LRRC4C: variants seen among roughly 807,000 people sequenced by gnomAD.
The protein encoded by LRRC4C is leucine rich repeat containing 4C, also known as leucine-rich repeat-containing protein 4C.
Under a neutral mutation model 33.6 loss-of-function variants are expected in LRRC4C, and 5 were observed. The observed-to-expected ratio is 0.15, with a 90% confidence interval of 0.08 to 0.31. The LOEUF (loss-of-function observed/expected upper bound fraction) is 0.31, where lower values mean the gene tolerates loss of function less well. Among genes scored for constraint, LRRC4C ranks in the 10% least tolerant of loss-of-function variants. The pLI is 1.00. For missense variants in LRRC4C, 560 were observed against 796.7 expected (o/e 0.70, Z 3.58); for synonymous variants, 329 against 302.0 (o/e 1.09, Z -0.93).
In LRRC4C at chr11:41,123,262, T is replaced by C. The variant is rs892431270; in HGVS notation, c.-495-189539A>G. On this transcript the variant is annotated intron_variant, in intron 1 of 6. Transcript: ENST00000528697. ...TTTCTCTATCCTGAGCTATGTTTTGTTTTTTTTTTTTTTTTTTTTTTTTTT... is the reference window on the plus strand; with the variant it reads ...TTTCTCTATCCTGAGCTATGTTTTGCTTTTTTTTTTTTTTTTTTTTTTTTT... Among the ~76,000 whole-genome samples, 19 of 32,022 alleles carry C rather than the reference T, an allele frequency of 5.9e-4. No homozygotes were observed. The South Asian group carries it at 0.02, about 34-fold the overall frequency. 21.0% of individuals were successfully genotyped at this position (32,022 alleles called of 152,430 possible).
At chr11:40,949,051 AT>A (rs1320791289) in intron 1 of LRRC4C, among the ~76,000 whole-genome samples, 3 of 151,862 alleles carry the variant, frequency 2.0e-5, no homozygotes, top group Non-Finnish European at 4.4e-5. Flanking sequence ...CTTTTTAATG[AT>A]TGCCATTCTA....
intron 3 of LRRC4C, among the ~76,000 whole-genome samples, chr11:40,610,143 C>A (rs955461794): frequency 2.6e-5 from 4 of 152,020 alleles, no homozygotes; most frequent in Middle Eastern, 3.4e-3. Flanking sequence ...AAAATACTAG[C>A]AAACCAAATT....
chr11:40,808,953 C>T lies in LRRC4C; in HGVS notation c.-407+124682G>A, dbSNP rs370359936. ...CTTTTCACTTATTTGTCTTTTTAAT[C>T]ACTACCCAACCTCTCTCCCCTCTCC... is the stretch of plus-strand genomic sequence containing the variant. On this transcript the variant is annotated intron_variant, in intron 2 of 6. Transcript: ENST00000528697. Among the ~76,000 whole-genome samples, 10 of 152,220 alleles carry T rather than the reference C, an allele frequency of 6.6e-5. No individual in the cohort carries two copies. In the East Asian group the frequency reaches 1.5e-3, roughly 23 times the overall value.
intron 1 of LRRC4C, among the ~76,000 whole-genome samples, chr11:40,997,865 C>G (rs1184672147): frequency 6.6e-6 from 1 of 152,042 alleles, no homozygotes; most frequent in Non-Finnish European, 1.5e-5. Context: ...TTCAAGGAGC[C>G]TTTTTAAGGT....
intron 1 of LRRC4C, among the ~76,000 whole-genome samples, chr11:40,961,800 A>G (rs780567133): frequency 2.6e-5 from 4 of 151,616 alleles, no homozygotes; most frequent in Non-Finnish European, 5.9e-5. Context: ...ACGCTTGTCT[A>G]TTTTATTCAT....
At chr11:41,334,420 C>G (rs1355536276) in intron 1 of LRRC4C, among the ~76,000 whole-genome samples, 1 of 152,102 alleles carries the variant, frequency 6.6e-6, no homozygotes, top group Non-Finnish European at 1.5e-5. Context: ...TCTCTATTTT[C>G]AAACGCTGGG....
At chr11:40,447,425 T>C (rs931836116) in intron 3 of LRRC4C, among the ~76,000 whole-genome samples, 15 of 152,190 alleles carry the variant, frequency 9.9e-5, no homozygotes, top group Admixed American at 9.8e-4. Context: ...CGTCTTCAGA[T>C]GGATTATTTA....
At chr11:40,318,319 G>GA (rs1281116010) in intron 4 of LRRC4C, among the ~76,000 whole-genome samples, 2 of 151,830 alleles carry the variant, frequency 1.3e-5, no homozygotes, top group Non-Finnish European at 2.9e-5. Context: ...TAGTCAAAAG[G>GA]AAAAATCATC....
At chr11:41,287,641 A>G (rs1036397090) in intron 1 of LRRC4C, among the ~76,000 whole-genome samples, 2 of 152,194 alleles carry the variant, frequency 1.3e-5, no homozygotes, top group Admixed American at 1.3e-4. Flanking sequence ...AACAGATATC[A>G]ATACACAAGC....
chr11:40,640,893 G>A (rs1032207116), intron 3 of LRRC4C, among the ~76,000 whole-genome samples: 2 of 151,734 alleles, frequency 1.3e-5, no homozygotes, highest in Admixed American at 6.6e-5. Flanking sequence ...GCGGGCGCCT[G>A]TAGTCCCAGC....
intron 3 of LRRC4C, among the ~76,000 whole-genome samples, chr11:40,586,939 G>C (rs1034861737): frequency 1.3e-5 from 2 of 152,126 alleles, no homozygotes; most frequent in Non-Finnish European, 2.9e-5. Flanking sequence ...TTTGGCTTAG[G>C]ATTGATTTGG....
At chr11:40,357,108 A>C (rs1590424331) in intron 3 of LRRC4C, among the ~76,000 whole-genome samples, 1 of 152,292 alleles carries the variant, frequency 6.6e-6, no homozygotes, top group African/African-American at 2.4e-5. Flanking sequence ...TTAGAGGTTA[A>C]AATATTAAGA....
At chr11:40,596,378 A>G (rs1959301031) in intron 3 of LRRC4C, among the ~76,000 whole-genome samples, 1 of 152,140 alleles carries the variant, frequency 6.6e-6, no homozygotes, top group Non-Finnish European at 1.5e-5. Flanking sequence ...GTACAGGCAC[A>G]GAATATATAA....
intron 5 of LRRC4C, among the ~76,000 whole-genome samples, chr11:40,151,604 C>T (rs1345313349): frequency 1.3e-5 from 2 of 152,130 alleles, no homozygotes; most frequent in South Asian, 2.1e-4. Context: ...AAGTAGTTCG[C>T]GGAAGGTAGA....
chr11:40,502,676 G>A (rs368680124), intron 3 of LRRC4C, among the ~76,000 whole-genome samples: 3 of 152,084 alleles, frequency 2.0e-5, no homozygotes, highest in South Asian at 4.1e-4. Context: ...AATTCAAGAT[G>A]AGATTTGGTT....
At chr11:40,537,217 G>A (rs962542838) in intron 3 of LRRC4C, among the ~76,000 whole-genome samples, 1 of 152,194 alleles carries the variant, frequency 6.6e-6, no homozygotes, top group Non-Finnish European at 1.5e-5. Context: ...GTCTCCGTAA[G>A]AAAAGAGAGT....
At chr11:40,801,741 T>A (rs1951051710) in intron 2 of LRRC4C, among the ~76,000 whole-genome samples, 1 of 152,180 alleles carries the variant, frequency 6.6e-6, no homozygotes, top group Non-Finnish European at 1.5e-5. Context: ...CACAAACAGT[T>A]GAGTACCAGA....
chr11:41,260,273 A>G (rs1454822583), intron 1 of LRRC4C, among the ~76,000 whole-genome samples: 2 of 152,114 alleles, frequency 1.3e-5, no homozygotes, highest in African/African-American at 2.4e-5. Context: ...AAAGTTTACA[A>G]GAGTTACAAG....
At chr11:41,049,281 T>C (rs1656435551) in intron 1 of LRRC4C, among the ~76,000 whole-genome samples, 1 of 152,192 alleles carries the variant, frequency 6.6e-6, no homozygotes, top group African/African-American at 2.4e-5. Context: ...TCATTCTCTC[T>C]TGCCTGCCAC....
Sources: gnomAD v4.1 joint callset for allele counts (sites outside exome capture counted in the v4.1 genomes callset) on GRCh38, gnomAD v4.1.1 for gene constraint, MANE v1.5 for transcripts, NCBI Gene and HGNC (gene_info 2026-07-23, HGNC 2026-07-21) for gene names.